Variants in ADAMTS17 observed in about 807,000 individuals in gnomAD.
ADAMTS17 encodes the protein ADAM metallopeptidase with thrombospondin type 1 motif 17, also known as A disintegrin and metalloproteinase with thrombospondin motifs 17.
ADAMTS17 carries 113 observed loss-of-function variants against 141.5 expected under a neutral mutation model. The ratio of observed to expected loss-of-function variants is 0.80; its 90% confidence interval spans 0.69 to 0.93. The LOEUF is 0.93. Ranked by LOEUF, ADAMTS17 falls within the 40% of genes least tolerant of loss-of-function variation. The pLI, the probability that ADAMTS17 is intolerant of heterozygous loss-of-function variation, is 0.00. For synonymous variants in ADAMTS17, 768 were observed against 630.6 expected (o/e 1.22, Z -3.27); for missense variants, 1,659 against 1,517.9 (o/e 1.09, Z -1.54).
At chr15:100,208,937 G>A (rs62036189) in intron 7 of ADAMTS17, among the ~76,000 whole-genome samples, 15,273 of 151,886 alleles carry the variant, frequency 0.1, 1,086 homozygotes, top group East Asian at 0.28. Context: ...CGTATTTCTC[G>A]GACCATATGA....
rs141584716 is a variant in ADAMTS17, at chr15:100,248,448, C to T, written c.1075+5688G>A. 2.2e-3 allele frequency among the ~76,000 whole-genome samples: 328 copies of T among 152,260 alleles called. 4 individuals are homozygous for T. Among genetic ancestry groups the T allele is most frequent in the Non-Finnish European group, 9.1e-4 (62 of 68,028 alleles). On this transcript the variant is annotated intron_variant, in intron 7 of 21. Transcript: ENST00000268070. ...AGAGGGTATGCATCTGGAAGAGGAA[C>T]GCAAAGGGCAGGCACGACCTCACCT...
At chr15:99,974,919 G>T (rs1384661189) in intron 21 of ADAMTS17, among the ~76,000 whole-genome samples, 1 of 152,206 alleles carries the variant, frequency 6.6e-6, no homozygotes, top group Non-Finnish European at 1.5e-5. Flanking sequence ...TGGAACAGTG[G>T]ACATCAAAGG....
chr15:100,291,540 G>C (rs543567130), intron 3 of ADAMTS17, among the ~76,000 whole-genome samples: 1 of 152,090 alleles, frequency 6.6e-6, no homozygotes, highest in Non-Finnish European at 1.5e-5. Context: ...ACCCATGCAC[G>C]TGTATGTTCA....
In ADAMTS17 at chr15:100,254,139, C is replaced by G. The variant is rs1471121556; in HGVS notation, c.1072G>C (p.Val358Leu). Residue 358 changes from valine to leucine, a missense_variant, in exon 7 of 22, where the codon GTT (valine) becomes CTT (leucine). Physicochemically the swap from Val to Leu is conservative, Grantham distance 32. Transcript: ENST00000268070. ...CVHKDEPCDT[V>L]GIAYLGGVCS... Reference sequence around the variant, plus strand: ...ATTATTTCAACTCTAAACTTACCAACAGTGTCACACGGTTCATCCTTGTGT... The same window carrying G: ...ATTATTTCAACTCTAAACTTACCAAGAGTGTCACACGGTTCATCCTTGTGT... 2 of 1,613,394 alleles carry G rather than the reference C, an allele frequency of 1.2e-6. No homozygotes were observed. The highest frequency in any genetic ancestry group is 1.3e-5 in the African/African-American group (1 of 75,012).
intron 10 of ADAMTS17, among the ~76,000 whole-genome samples, chr15:100,143,739 T>G: frequency 6.6e-6 from 1 of 152,218 alleles, no homozygotes; most frequent in Admixed American, 6.5e-5. Context: ...TATTTTAATT[T>G]TTCTCAGTTC....
intron 7 of ADAMTS17, among the ~76,000 whole-genome samples, chr15:100,237,202 T>A (rs1054394376): frequency 6.6e-6 from 1 of 152,138 alleles, no homozygotes; most frequent in African/African-American, 2.4e-5. Context: ...AGCACCTTCA[T>A]CTGTGAACTG....
chr15:100,031,975 A>C (rs929135432), intron 18 of ADAMTS17, among the ~76,000 whole-genome samples: 1 of 152,244 alleles, frequency 6.6e-6, no homozygotes, highest in African/African-American at 2.4e-5. Context: ...AAACAGAGTC[A>C]CACAGACCAT....
At chr15:100,280,868 T>G (rs2044256576) in intron 4 of ADAMTS17, among the ~76,000 whole-genome samples, 1 of 152,184 alleles carries the variant, frequency 6.6e-6, no homozygotes, top group African/African-American at 2.4e-5. Flanking sequence ...GGTTGGAATT[T>G]GTTCCCCCCG....
chr15:100,111,485 T>C (rs867224599), intron 13 of ADAMTS17, among the ~76,000 whole-genome samples: 5 of 152,208 alleles, frequency 3.3e-5, no homozygotes, highest in Admixed American at 6.5e-5. Flanking sequence ...GTCACTGAGG[T>C]ACCCTCTGGA....
chr15:100,200,409 C>T (rs919649989), intron 7 of ADAMTS17, among the ~76,000 whole-genome samples: 10 of 152,040 alleles, frequency 6.6e-5, no homozygotes, highest in Admixed American at 2.6e-4. Flanking sequence ...GAGCCCATGC[C>T]GGCCGCACTT....
chr15:100,322,666 T>G (rs1252698619), intron 3 of ADAMTS17, among the ~76,000 whole-genome samples: 18 of 152,184 alleles, frequency 1.2e-4, no homozygotes, highest in Admixed American at 1.2e-3. Flanking sequence ...ATTATTACCA[T>G]AATGCTCAAG....
At position 100,070,654 on chromosome 15, in the gene ADAMTS17, A is replaced by C. The variant is rs558538291; in HGVS notation, c.2138-16600T>G. Among the ~76,000 whole-genome samples the C allele has an allele frequency of 8.0e-5, 12 of 150,356 alleles. 1 individual carries two copies. In the South Asian group the frequency reaches 2.5e-3, roughly 32 times the overall value. On this transcript the variant is annotated intron_variant, in intron 15 of 21. Transcript: ENST00000268070. ...CTCCTGAATGACTACTGGGTACATA[A>C]CGAAATGAAGGCAGAAATAAAGATG... is the stretch of plus-strand genomic sequence containing the variant.
At chr15:100,088,913 C>T (rs1220377784) in intron 15 of ADAMTS17, among the ~76,000 whole-genome samples, 1 of 152,058 alleles carries the variant, frequency 6.6e-6, no homozygotes, top group Non-Finnish European at 1.5e-5. Context: ...CATTACCATT[C>T]AGGACATAGG....
At chr15:100,245,760 C>T (rs77344190) in intron 7 of ADAMTS17, among the ~76,000 whole-genome samples, 10,481 of 152,194 alleles carry the variant, frequency 0.069, 879 homozygotes, top group African/African-American at 0.2. Flanking sequence ...CTAACAAGCG[C>T]TGGTAGAGAA....
intron 3 of ADAMTS17, among the ~76,000 whole-genome samples, chr15:100,296,626 C>T (rs553699606): frequency 2.0e-4 from 30 of 151,182 alleles, no homozygotes; most frequent in South Asian, 4.2e-4. Context: ...TGCGCATGCA[C>T]GCGCACGTGC....
chr15:100,272,030 T>TGA (rs34134448), intron 4 of ADAMTS17, among the ~76,000 whole-genome samples: 86,200 of 151,794 alleles, frequency 0.57, 24,667 homozygotes, highest in South Asian at 0.63. Flanking sequence ...ACCATATATA[T>TGA]GTGTTAATTG....
chr15:100,111,519 T>C (rs2036780340), intron 13 of ADAMTS17, among the ~76,000 whole-genome samples: 1 of 152,240 alleles, frequency 6.6e-6, no homozygotes, highest in South Asian at 2.1e-4. Context: ...CCAAGCATCT[T>C]GTGGAGCTGG....
chr15:100,261,628 C>A lies in ADAMTS17; in HGVS notation c.882G>T (p.Leu294Phe). Residue 294 changes from leucine (L) to phenylalanine (F), a missense_variant, in exon 6 of 22, where the codon TTG (leucine) becomes TTT (phenylalanine). Coordinates refer to ENST00000268070, the MANE Select transcript of ADAMTS17 (RefSeq NM_139057.4). ...LVLLRQRPAK[L>F]SIGHHGERSL... Reference sequence around the variant, plus strand: ...ACCGCTCACCATGGTGCCCAATGGACAACTTAGCCTAAAAAAAGTCAGAGG... The same window carrying A: ...ACCGCTCACCATGGTGCCCAATGGAAAACTTAGCCTAAAAAAAGTCAGAGG... The A allele has an allele frequency of 6.2e-7, 1 of 1,613,534 alleles. No individual in the cohort carries two copies. The highest frequency in any genetic ancestry group is 8.5e-7 in the Non-Finnish European group (1 of 1,179,718).
At chr15:100,284,600 G>A (rs1056633235) in intron 3 of ADAMTS17, among the ~76,000 whole-genome samples, 3 of 152,124 alleles carry the variant, frequency 2.0e-5, no homozygotes, top group Non-Finnish European at 4.4e-5. Flanking sequence ...TGAGGGGTGG[G>A]AGGCTAGAGG....
Sources: gnomAD v4.1 joint callset for allele counts (sites outside exome capture counted in the v4.1 genomes callset) on GRCh38, gnomAD v4.1.1 for gene constraint, MANE v1.5 for transcripts, NCBI Gene and HGNC (gene_info 2026-07-23, HGNC 2026-07-21) for gene names.